Variants in COG5 observed in about 807,000 individuals in gnomAD.
The protein encoded by COG5 is component of oligomeric golgi complex 5.
A neutral mutation model predicts 110.4 loss-of-function variants in COG5; 86 were observed. That is an observed-to-expected ratio of 0.78 (90% CI 0.65 to 0.93). The LOEUF is 0.93. Ranked by LOEUF, COG5 falls within the 40% of genes least tolerant of loss-of-function variation. The pLI is 0.00. For synonymous variants in COG5, 360 were observed against 334.6 expected, an observed-to-expected ratio of 1.08 and a Z score of -0.83; for missense variants, 1,077 against 987.0, an observed-to-expected ratio of 1.09 and a Z score of -1.22.
chr7:107,552,065 T>C (rs1228318914), intron 3 of COG5, among the ~76,000 whole-genome samples: 1 of 152,226 alleles, frequency 6.6e-6, no homozygotes, highest in African/African-American at 2.4e-5. Flanking sequence ...ATTTTAATCT[T>C]TGAACATCAT....
At chr7:107,222,235 T>C (rs879272628) in intron 19 of COG5, among the ~76,000 whole-genome samples, 17 of 151,874 alleles carry the variant, frequency 1.1e-4, no homozygotes, top group Non-Finnish European at 1.8e-4. Context: ...AGTCTCGCTC[T>C]GTCGCCCAGG....
In COG5 at chr7:107,241,428, C is replaced by CTATATA. The variant is rs34699008; in HGVS notation, c.1854-4747_1854-4742dup. ...TATATATCTATATCCATCTATCTAT[C>CTATATA]TATATATATATATATTTATTTTTTA... On this transcript the variant is annotated intron_variant, in intron 17 of 21. Coordinates refer to ENST00000297135, the MANE Select transcript of COG5 (RefSeq NM_006348.5). Among the ~76,000 whole-genome samples the CTATATA allele has an allele frequency of 5.0e-3, 724 of 144,810 alleles. 3 individuals carry two copies. The highest frequency in any genetic ancestry group is 0.016 in the African/African-American group (622 of 39,724).
chr7:107,286,272 T>C (rs1221009714), intron 12 of COG5, among the ~76,000 whole-genome samples: 2 of 152,180 alleles, frequency 1.3e-5, no homozygotes, highest in East Asian at 3.9e-4. Context: ...ATGTTAGGCT[T>C]TGCATATCTA....
At chr7:107,492,057 T>A (rs1036450096) in intron 6 of COG5, among the ~76,000 whole-genome samples, 1 of 152,134 alleles carries the variant, frequency 6.6e-6, no homozygotes, top group African/African-American at 2.4e-5. Context: ...ATTTTGTATC[T>A]GTGTATAAAA....
At chr7:107,549,734 G>C (rs1364416564) in intron 3 of COG5, among the ~76,000 whole-genome samples, 1 of 151,606 alleles carries the variant, frequency 6.6e-6, no homozygotes, top group Non-Finnish European at 1.5e-5. Flanking sequence ...ACACTTCCTG[G>C]GTCTCCTATT....
At chr7:107,406,956 TAAAC>T (rs1014282354) in intron 7 of COG5, among the ~76,000 whole-genome samples, 1 of 152,244 alleles carries the variant, frequency 6.6e-6, no homozygotes, top group Non-Finnish European at 1.5e-5. Flanking sequence ...TTCTCACAAC[TAAAC>T]AAACTATGCT....
intron 10 of COG5, among the ~76,000 whole-genome samples, chr7:107,337,737 A>G (rs1810827267): frequency 6.6e-6 from 1 of 152,138 alleles, no homozygotes; most frequent in Non-Finnish European, 1.5e-5. Context: ...GTTCAATAGC[A>G]GAGTAAGGTG....
chr7:107,497,699 T>C (rs1381802215), intron 6 of COG5, among the ~76,000 whole-genome samples: 1 of 152,146 alleles, frequency 6.6e-6, no homozygotes, highest in Non-Finnish European at 1.5e-5. Context: ...CTGAATACTG[T>C]TAAAATTTCC....
At chr7:107,296,108 C>T (rs149419055) in intron 12 of COG5, among the ~76,000 whole-genome samples, 9 of 151,984 alleles carry the variant, frequency 5.9e-5, no homozygotes, top group African/African-American at 2.2e-4. Flanking sequence ...CTTCCTTCCT[C>T]ACACAGTGAC....
At chr7:107,557,880 C>T in intron 2 of COG5, 96 bp downstream of exon 2, 1 of 1,448,978 alleles carries the variant, frequency 6.9e-7, no homozygotes, top group Non-Finnish European at 9.7e-7. Flanking sequence ...TGTACTTCTT[C>T]ATGTAAATAT....
At chr7:107,563,118 A>T (rs1804034058) in intron 1 of COG5, among the ~76,000 whole-genome samples, 1 of 152,204 alleles carries the variant, frequency 6.6e-6, no homozygotes, top group Non-Finnish European at 1.5e-5. Context: ...CTGGATTGAC[A>T]CAACTGAATA....
At chr7:107,311,685 G>A (rs906852227) in intron 11 of COG5, among the ~76,000 whole-genome samples, 33 of 151,910 alleles carry the variant, frequency 2.2e-4, no homozygotes, top group Non-Finnish European at 3.8e-4. Flanking sequence ...GAGCCACCGC[G>A]CCCGGCCACA....
Position 107,474,696 on chromosome 7 carries a change from C to A in COG5, c.538+52541G>T. Reference sequence around the variant, plus strand: ...ACACTGAACTGGGAATGTATTATCACCTGTTAGTACAGATCCCAATATTCT... The same window carrying A: ...ACACTGAACTGGGAATGTATTATCAACTGTTAGTACAGATCCCAATATTCT... On this transcript the variant is annotated intron_variant, in intron 6 of 21. Coordinates refer to ENST00000297135, the MANE Select transcript of COG5 (RefSeq NM_006348.5). The surrounding 1 kb of genome is among the most constrained non-coding windows in gnomAD (Gnocchi z 5.7). 1.2e-6 allele frequency: 2 copies of A among 1,610,122 alleles called. No homozygotes were observed. The highest frequency in any genetic ancestry group is 1.7e-6 in the Non-Finnish European group (2 of 1,177,148).
chr7:107,410,629 A>C (rs1355224166), intron 7 of COG5, among the ~76,000 whole-genome samples: 1 of 151,984 alleles, frequency 6.6e-6, no homozygotes, highest in Admixed American at 6.6e-5. Context: ...TTTAGTAGAG[A>C]AGGGGTTTCT....
chr7:107,559,325 A>G (rs2129180512), intron 1 of COG5, among the ~76,000 whole-genome samples: 1 of 152,326 alleles, frequency 6.6e-6, no homozygotes, highest in Non-Finnish European at 1.5e-5. Flanking sequence ...AGATACCCAG[A>G]AGGGAGCTCA....
intron 14 of COG5, among the ~76,000 whole-genome samples, chr7:107,267,691 G>T (rs943499739): frequency 2.6e-5 from 4 of 151,930 alleles, no homozygotes; most frequent in African/African-American, 9.7e-5. Flanking sequence ...TTACTTTGAG[G>T]GATACAGAAT....
chr7:107,279,764 T>C (rs1444684131), intron 14 of COG5, among the ~76,000 whole-genome samples: 1 of 152,120 alleles, frequency 6.6e-6, no homozygotes, highest in Non-Finnish European at 1.5e-5. Flanking sequence ...AAAAAAGATA[T>C]AATCCAATTA....
chr7:107,275,490 C>T (rs1269198550), intron 14 of COG5, among the ~76,000 whole-genome samples: 2 of 151,598 alleles, frequency 1.3e-5, no homozygotes, highest in East Asian at 1.9e-4. Context: ...AAGCTATTAC[C>T]ATATAATAAT....
intron 6 of COG5, among the ~76,000 whole-genome samples, chr7:107,414,972 C>T (rs549966292): frequency 2.6e-5 from 4 of 151,866 alleles, no homozygotes; most frequent in South Asian, 4.2e-4. Flanking sequence ...GTGATCCACC[C>T]GCCTCGGCCT....
Sources: gnomAD v4.1 joint callset for allele counts (sites outside exome capture counted in the v4.1 genomes callset) on GRCh38, gnomAD v4.1.1 for gene constraint, Gnocchi (gnomAD v3.1) non-coding constraint, MANE v1.5 for transcripts, NCBI Gene and HGNC (gene_info 2026-07-23, HGNC 2026-07-21) for gene names.